Variants in TASP1 observed in about 807,000 individuals in gnomAD.
TASP1 encodes the protein threonine aspartase 1.
TASP1 carries 16 observed loss-of-function variants against 56.6 expected under a neutral mutation model. The observed-to-expected ratio is 0.28, with a 90% confidence interval of 0.19 to 0.43. TASP1 has a LOEUF of 0.43. Among genes scored for constraint, TASP1 ranks in the 20% least tolerant of loss-of-function variants. The pLI is 1.00. For missense variants in TASP1, 393 were observed against 511.6 expected, an observed-to-expected ratio of 0.77 and a Z score of 2.24; for synonymous variants, 179 against 184.2, an observed-to-expected ratio of 0.97 and a Z score of 0.23.
the TASP1 span, among the ~76,000 whole-genome samples, chr20:13,261,425 CA>C: frequency 0.13 from 13,141 of 105,008 alleles, 593 homozygotes; most frequent in East Asian, 0.21. Flanking sequence ...AACTCTGTCT[CA>C]AAAAAAAAAA....
intron 12 of TASP1, among the ~76,000 whole-genome samples, chr20:13,421,932 TTA>T (rs2042448081): frequency 6.6e-6 from 1 of 151,996 alleles, no homozygotes; most frequent in African/African-American, 2.4e-5. Flanking sequence ...TAACCTTATT[TTA>T]TATGTGTTTC....
At chr20:13,274,621 A>G in the TASP1 span, among the ~76,000 whole-genome samples, 1 of 152,160 alleles carries the variant, frequency 6.6e-6, no homozygotes, top group East Asian at 1.9e-4. Flanking sequence ...CCAAAGTGAC[A>G]TCGCTAAGCC....
At chr20:13,182,219 TA>T in the TASP1 span, among the ~76,000 whole-genome samples, 8 of 152,320 alleles carry the variant, frequency 5.3e-5, no homozygotes, top group South Asian at 1.7e-3. Flanking sequence ...CTATTCATCT[TA>T]AAAATCCCCA....
the TASP1 span, among the ~76,000 whole-genome samples, chr20:13,362,834 T>TATATATATATAC: frequency 1.5e-5 from 2 of 130,618 alleles, no homozygotes; most frequent in African/African-American, 6.2e-5. Context: ...TATATATATA[T>TATATATATATAC]ATATTTGTCT....
chr20:13,636,358 C>T (rs1333239238), intron 1 of TASP1, among the ~76,000 whole-genome samples: 2 of 146,522 alleles, frequency 1.4e-5, no homozygotes, highest in African/African-American at 2.5e-5. Flanking sequence ...CGGGGTTTCA[C>T]TATGTTGGTC....
chr20:13,558,964 T>C (rs562871520), intron 8 of TASP1, 44 bp downstream of exon 8: 127 of 1,237,052 alleles, frequency 1.0e-4, no homozygotes, highest in Middle Eastern at 1.9e-4. Flanking sequence ...GCAGAAGATA[T>C]ATCATCTGAT....
At chr20:13,288,680 C>T in the TASP1 span, 5 of 1,612,972 alleles carry the variant, frequency 3.1e-6, no homozygotes, top group African/African-American at 6.7e-5. Context: ...TCCAAACTGC[C>T]CAGGTGCGTT....
At chr20:13,151,214 A>G in the TASP1 span, among the ~76,000 whole-genome samples, 2 of 151,816 alleles carry the variant, frequency 1.3e-5, no homozygotes, top group African/African-American at 2.4e-5. Flanking sequence ...TTCAATTTCT[A>G]CTCTTACTAC....
the TASP1 span, among the ~76,000 whole-genome samples, chr20:13,313,149 C>G: frequency 1.3e-5 from 2 of 152,226 alleles, no homozygotes; most frequent in Non-Finnish European, 2.9e-5. Context: ...ATCCCTTCTA[C>G]AGCCTCCCCC....
At chr20:13,307,910 G>T in the TASP1 span, among the ~76,000 whole-genome samples, 1 of 152,274 alleles carries the variant, frequency 6.6e-6, no homozygotes, top group African/African-American at 2.4e-5. Flanking sequence ...GTGTGCTTTT[G>T]GGTGTGCGTA....
chr20:13,260,959 A>G, the TASP1 span, among the ~76,000 whole-genome samples: 1 of 152,174 alleles, frequency 6.6e-6, no homozygotes, highest in East Asian at 1.9e-4. Flanking sequence ...AATCTGGTAT[A>G]AATTATCTCT....
chr20:13,562,506 TTAAC>T (rs1238537467), intron 7 of TASP1, among the ~76,000 whole-genome samples: 1 of 151,946 alleles, frequency 6.6e-6, no homozygotes, highest in East Asian at 1.9e-4. Context: ...TTTAGCTAGA[TTAAC>T]TAAGAAAAAA....
chr20:13,391,750 G>A (rs533729827), intron 13 of TASP1, among the ~76,000 whole-genome samples: 5 of 151,954 alleles, frequency 3.3e-5, no homozygotes, highest in African/African-American at 7.2e-5. Flanking sequence ...GGCAGATCAC[G>A]AGGTCAGGAG....
intron 4 of TASP1, among the ~76,000 whole-genome samples, chr20:13,620,299 C>T (rs1568659600): frequency 2.0e-5 from 3 of 150,632 alleles, no homozygotes; most frequent in Non-Finnish European, 4.5e-5. Flanking sequence ...CACACACACA[C>T]ATACATATAC....
the TASP1 span, chr20:13,239,389 G>C: frequency 2.6e-5 from 4 of 152,318 alleles, no homozygotes; most frequent in South Asian, 6.2e-4. Context: ...AATGGCCTTG[G>C]CCTTAAGTTT....
intron 8 of TASP1, among the ~76,000 whole-genome samples, chr20:13,535,184 C>A (rs551777482): frequency 7.9e-5 from 12 of 152,222 alleles, no homozygotes; most frequent in African/African-American, 2.9e-4. Flanking sequence ...ACTGAGAGAT[C>A]CCTAAGAAGC....
the TASP1 span, among the ~76,000 whole-genome samples, chr20:13,296,876 G>A: frequency 3.9e-5 from 6 of 152,038 alleles, no homozygotes; most frequent in Non-Finnish European, 5.9e-5. Flanking sequence ...AAATTAGTCG[G>A]GCAGAGTGGC....
At chr20:13,235,893 T>C in the TASP1 span, among the ~76,000 whole-genome samples, 2 of 151,828 alleles carry the variant, frequency 1.3e-5, no homozygotes, top group Admixed American at 1.3e-4. Flanking sequence ...GGGACAGGAG[T>C]TCCAAAGCTC....
chr20:13,188,464 A>G, the TASP1 span, among the ~76,000 whole-genome samples: 7 of 152,218 alleles, frequency 4.6e-5, no homozygotes, highest in African/African-American at 1.7e-4. Flanking sequence ...TATACTATCA[A>G]TAAATTTAAC....
Sources: gnomAD v4.1 joint callset for allele counts (sites outside exome capture counted in the v4.1 genomes callset) on GRCh38, gnomAD v4.1.1 for gene constraint, MANE v1.5 for transcripts, NCBI Gene and HGNC (gene_info 2026-07-23, HGNC 2026-07-21) for gene names.